The following BTRC variants were observed in gnomAD, a reference collection of about 807,000 sequenced individuals.
BTRC encodes the protein F-box/WD repeat-containing protein 1A.
In BTRC, 42 loss-of-function variants were observed where a neutral mutation model predicts 85.5. The observed-to-expected ratio is 0.49, with a 90% CI of 0.38 to 0.64. BTRC has a LOEUF of 0.64. Among genes scored for constraint, BTRC ranks in the 30% least tolerant of loss-of-function variants. BTRC has a pLI of 0.00. For synonymous variants in BTRC, 255 were observed against 263.3 expected, an observed-to-expected ratio of 0.97 and a Z score of 0.30; for missense variants, 594 against 743.5, an observed-to-expected ratio of 0.80 and a Z score of 2.34.
intron 1 of BTRC, among the ~76,000 whole-genome samples, chr10:101,382,521 GT>G (rs527788641): frequency 8.2e-5 from 12 of 147,040 alleles, no homozygotes; most frequent in Middle Eastern, 3.6e-3. Context: ...TATATGCTGT[GT>G]TTTTTTTTTC....
At chr10:101,359,143 A>C (rs10883620) in intron 1 of BTRC, among the ~76,000 whole-genome samples, 55,713 of 152,002 alleles carry the variant, frequency 0.37, 11,221 homozygotes, top group Middle Eastern at 0.48. Flanking sequence ...TAATGTGATT[A>C]AGTAAACTTG....
At chr10:101,446,238 A>G (rs1384659593) in intron 2 of BTRC, among the ~76,000 whole-genome samples, 1 of 151,882 alleles carries the variant, frequency 6.6e-6, no homozygotes, top group African/African-American at 2.4e-5. Context: ...TCCTGTGGAA[A>G]CGGAAAAATC....
chr10:101,496,500 C>T (rs952083942), intron 4 of BTRC, among the ~76,000 whole-genome samples: 1 of 152,158 alleles, frequency 6.6e-6, no homozygotes, highest in Non-Finnish European at 1.5e-5. Context: ...ACTGTAACCT[C>T]GAGCTCCTGG....
chr10:101,534,997 G>A (rs1024756095), intron 10 of BTRC, 87 bp downstream of exon 10: 20 of 1,436,108 alleles, frequency 1.4e-5, no homozygotes, highest in South Asian at 4.8e-5. Flanking sequence ...ATATTTAAAC[G>A]TTGCTACAGA....
In BTRC at chr10:101,522,367, CA is replaced by C. The variant is rs1163028567; in HGVS notation, c.556+506del. Among the ~76,000 whole-genome samples, 142 of 21,428 alleles carry C rather than the reference CA, an allele frequency of 6.6e-3. 1 individual carries two copies. Among genetic ancestry groups the C allele is most frequent in the African/African-American group, 0.036 (137 of 3,812 alleles). The allele number at this position is 21,428 out of a possible 152,430, so 14.1% of individuals were successfully genotyped here. A position where few individuals can be genotyped will look rare whatever the true frequency, so the allele number is the denominator to read the frequency against. ...TATAAAGCTTTAAAAAAAAAAAAAACAAAAAAAAACAAAAAAAAAAAAACTC... is the reference window on the plus strand; with the variant it reads ...TATAAAGCTTTAAAAAAAAAAAAAACAAAAAAAACAAAAAAAAAAAAACTC... On this transcript the variant is annotated intron_variant, in intron 5 of 14. Coordinates refer to ENST00000370187, the MANE Select transcript of BTRC (RefSeq NM_033637.4).
chr10:101,388,989 A>G (rs1369061217), intron 1 of BTRC, among the ~76,000 whole-genome samples: 2 of 152,236 alleles, frequency 1.3e-5, no homozygotes, highest in East Asian at 1.9e-4. Flanking sequence ...TTGCTTTGAA[A>G]TACCATCTGT....
chr10:101,536,392 A>G (rs1256525038), intron 11 of BTRC, 151 bp from the exon 12 acceptor site: 2 of 512,026 alleles, frequency 3.9e-6, no homozygotes, highest in African/African-American at 3.8e-5. Context: ...CAGAAAGGAA[A>G]TAAATTACAT....
chr10:101,413,213 C>T (rs1204663418), intron 1 of BTRC, among the ~76,000 whole-genome samples: 2 of 152,268 alleles, frequency 1.3e-5, no homozygotes, highest in South Asian at 4.1e-4. Flanking sequence ...CAACCTCTGC[C>T]TCTCACTGCA....
At chr10:101,412,420 C>T (rs1232995440) in intron 1 of BTRC, among the ~76,000 whole-genome samples, 1 of 152,150 alleles carries the variant, frequency 6.6e-6, no homozygotes, top group Non-Finnish European at 1.5e-5. Context: ...TCAGGGATTA[C>T]ATTCTGGCAT....
At chr10:101,473,546 C>T (rs1005004391) in intron 3 of BTRC, among the ~76,000 whole-genome samples, 6 of 136,606 alleles carry the variant, frequency 4.4e-5, no homozygotes, top group Non-Finnish European at 7.6e-5. Context: ...TCTCAGCTTA[C>T]TGCAACCTCC....
rs747531155 is a variant in BTRC at position 101,516,845 on chromosome 10, G to T, written c.325-4794G>T. Among the ~76,000 whole-genome samples, 16 of 152,074 alleles carry T rather than the reference G, an allele frequency of 1.1e-4. 1 individual carries two copies. The highest frequency in any genetic ancestry group is 6.5e-4 in the Admixed American group (10 of 15,272). On this transcript the variant is annotated intron_variant, in intron 4 of 14. Coordinates refer to ENST00000370187, the MANE Select transcript of BTRC (RefSeq NM_033637.4). ...TGCTGATTGTTCTTCTCTGTTACTGGCATTCTGGTCTTTATCCAGAAAACA... is the reference window on the plus strand; with the variant it reads ...TGCTGATTGTTCTTCTCTGTTACTGTCATTCTGGTCTTTATCCAGAAAACA...
In BTRC at chr10:101,385,198, T is replaced by TA. The variant is rs1390031454; in HGVS notation, c.48+30978dup. On this transcript the variant is annotated intron_variant, in intron 1 of 14. Coordinates refer to ENST00000370187, the MANE Select transcript of BTRC (RefSeq NM_033637.4). ...GGGACACAGAGTGAGATCCTGTCTC[T>TA]AAAAAAAAGAAAAAAAAAATTAGCC... Among the ~76,000 whole-genome samples the TA allele has an allele frequency of 7.5e-4, 97 of 128,910 alleles. 1 individual carries two copies. The highest frequency in any genetic ancestry group is 7.3e-4 in the Non-Finnish European group (40 of 55,116). The allele number at this position is 128,910 out of a possible 152,430, so 84.6% of individuals were successfully genotyped here.
intron 1 of BTRC, among the ~76,000 whole-genome samples, chr10:101,422,226 G>C (rs1262021996): frequency 6.6e-6 from 1 of 152,232 alleles, no homozygotes; most frequent in South Asian, 2.1e-4. Context: ...GGCCAGTGAT[G>C]ATGAGCATTT....
intron 4 of BTRC, among the ~76,000 whole-genome samples, chr10:101,490,207 TCTTCCCTCCCTCACTCCCTC>T (rs1470340320): frequency 6.6e-6 from 1 of 151,758 alleles, no homozygotes; most frequent in Non-Finnish European, 1.5e-5. Flanking sequence ...CTTCCTCCCT[TCTTCCCTCCCTCACTCCCTC>T]CTTCCCTCCC....
chr10:101,483,373 T>A (rs886891903), intron 4 of BTRC, among the ~76,000 whole-genome samples: 1 of 152,184 alleles, frequency 6.6e-6, no homozygotes, highest in Non-Finnish European at 1.5e-5. Flanking sequence ...GACGGGTGGA[T>A]CACGAGGTCA....
intron 1 of BTRC, among the ~76,000 whole-genome samples, chr10:101,424,476 A>G (rs1269154076): frequency 3.3e-5 from 5 of 152,316 alleles, no homozygotes; most frequent in African/African-American, 1.2e-4. Context: ...CTTCTATTCC[A>G]TGGCTTAAGG....
At chr10:101,526,838 G>C (rs2062199669) in intron 6 of BTRC, among the ~76,000 whole-genome samples, 1 of 152,168 alleles carries the variant, frequency 6.6e-6, no homozygotes, top group Non-Finnish European at 1.5e-5. Context: ...ATGAAATTAA[G>C]TATAAATCAT....
chr10:101,364,152 G>C (rs527586365), intron 1 of BTRC, among the ~76,000 whole-genome samples: 1 of 152,116 alleles, frequency 6.6e-6, no homozygotes, highest in South Asian at 2.1e-4. Context: ...CAACTATTGT[G>C]CTTTCTTCTT....
At chr10:101,463,730 C>G (rs921810380) in intron 3 of BTRC, among the ~76,000 whole-genome samples, 1 of 151,980 alleles carries the variant, frequency 6.6e-6, no homozygotes, top group Non-Finnish European at 1.5e-5. Flanking sequence ...ACTTGTCTAG[C>G]TAATTAGTGA....
Sources: allele counts gnomAD v4.1 joint callset (sites outside exome capture counted in the v4.1 genomes callset), GRCh38; gene constraint gnomAD v4.1.1; transcripts MANE v1.5; gene names NCBI Gene and HGNC (gene_info 2026-07-23, HGNC 2026-07-21).